The following DAAM1 variants were observed in gnomAD, a reference collection of about 807,000 sequenced individuals.
DAAM1 encodes the protein disheveled-associated activator of morphogenesis 1.
Under a neutral mutation model 130.0 loss-of-function variants are expected in DAAM1, and 52 were observed. The observed-to-expected ratio is 0.40, with a 90% CI of 0.32 to 0.50. The LOEUF (loss-of-function observed/expected upper bound fraction) is 0.50. Among genes scored for constraint, DAAM1 ranks in the 20% least tolerant of loss-of-function variants. The pLI is 0.61. For missense variants in DAAM1, 1,134 were observed against 1,303.8 expected (o/e 0.87, Z 2.01); for synonymous variants, 452 against 444.5 (o/e 1.02, Z -0.21).
chr14:59,323,317 G>A (rs546657481), intron 6 of DAAM1, 92 bp downstream of exon 6: 1 of 1,324,958 alleles, frequency 7.5e-7, no homozygotes, highest in Non-Finnish European at 1.0e-6. Context: ...AATGTTACTT[G>A]AGATGTCCTC....
intron 12 of DAAM1, among the ~76,000 whole-genome samples, chr14:59,329,855 C>G (rs910868609): frequency 6.6e-6 from 1 of 152,210 alleles, no homozygotes; most frequent in African/African-American, 2.4e-5. Context: ...CCCCACTCCC[C>G]TTAAGATATT....
chr14:59,357,806 G>A (rs779513966), intron 20 of DAAM1, among the ~76,000 whole-genome samples: 94 of 152,070 alleles, frequency 6.2e-4, no homozygotes, highest in Non-Finnish European at 9.1e-4. Flanking sequence ...TGAAATGGAA[G>A]GATGCAGCTG....
chr14:59,317,043 C>T (rs1004575553), intron 4 of DAAM1, among the ~76,000 whole-genome samples: 2 of 152,306 alleles, frequency 1.3e-5, no homozygotes, highest in Non-Finnish European at 2.9e-5. Context: ...GGCCTCCTCT[C>T]TCCTCCATCC....
intron 2 of DAAM1, among the ~76,000 whole-genome samples, chr14:59,269,590 TG>T (rs1431361591): frequency 6.6e-6 from 1 of 152,234 alleles, no homozygotes; most frequent in Non-Finnish European, 1.5e-5. Flanking sequence ...TGATTTCTAT[TG>T]GCTTGATTCC....
At chr14:59,325,800 T>C (rs112355006) in intron 9 of DAAM1, 70 bp downstream of exon 9, 45 of 1,581,846 alleles carry the variant, frequency 2.8e-5, no homozygotes, top group African/African-American at 2.7e-4. Flanking sequence ...ATGTGTGTTG[T>C]AGAGTCCACA....
chr14:59,326,268 A>G (rs1346482875), intron 10 of DAAM1, among the ~76,000 whole-genome samples, 191 bp downstream of exon 10: 1 of 152,248 alleles, frequency 6.6e-6, no homozygotes, highest in Non-Finnish European at 1.5e-5. Flanking sequence ...GAAACAAATT[A>G]AAATTTTGAT....
chr14:59,203,221 C>T (rs1166892958), intron 1 of DAAM1, among the ~76,000 whole-genome samples: 1 of 143,104 alleles, frequency 7.0e-6, no homozygotes, highest in Non-Finnish European at 1.5e-5. Flanking sequence ...TATTAGCCAG[C>T]ATGGTCTCGA....
Position 59,360,803 on chromosome 14 carries a change from A to G in DAAM1, c.2635A>G (p.Met879Val). 3 of 1,613,670 alleles carry G rather than the reference A, an allele frequency of 1.9e-6. No homozygotes were observed. Among genetic ancestry groups the G allele is most frequent in the Non-Finnish European group, 2.5e-6 (3 of 1,179,794 alleles). ...RDIPQAAKVN[M>V]TELDKEISTL... ...CTAAAACATTGCTATTTACAACAGC[A>G]TGACTGAGCTGGACAAAGAAATAAG... The change falls in exon 22 of 25, where the codon ATG becomes GTG. Residue 879 changes from methionine to valine, a missense_variant and splice_region_variant. Met to Val is a conservative substitution (Grantham distance 21). Transcript: ENST00000360909.
At chr14:59,365,532 AG>A (rs1375990497) in intron 23 of DAAM1, among the ~76,000 whole-genome samples, 2 of 152,220 alleles carry the variant, frequency 1.3e-5, no homozygotes, top group African/African-American at 4.8e-5. Context: ...AATGGTAAAA[AG>A]GACACTTTTG....
chr14:59,209,723 T>C (rs1368543933), intron 1 of DAAM1, among the ~76,000 whole-genome samples: 1 of 152,222 alleles, frequency 6.6e-6, no homozygotes, highest in Admixed American at 6.5e-5. Flanking sequence ...GTATTAAATG[T>C]ATTTTCAACT....
intron 1 of DAAM1, among the ~76,000 whole-genome samples, chr14:59,258,036 GC>G (rs1881989952): frequency 6.6e-6 from 1 of 152,088 alleles, no homozygotes; most frequent in Non-Finnish European, 1.5e-5. Flanking sequence ...TATAACATGA[GC>G]CAACTTCAGG....
At chr14:59,262,653 AGTGTGTGTGTGTGTGTGT>A (rs5809025) in intron 1 of DAAM1, among the ~76,000 whole-genome samples, 205 of 140,858 alleles carry the variant, frequency 1.5e-3, no homozygotes, top group Middle Eastern at 0.011. Flanking sequence ...ATATTCTATT[AGTGTGTGTGTGTGTGTGT>A]GTGTGTGTGT....
chr14:59,268,676 C>T (rs941973692), intron 2 of DAAM1, among the ~76,000 whole-genome samples: 3 of 152,180 alleles, frequency 2.0e-5, no homozygotes, highest in African/African-American at 7.2e-5. Context: ...ACAAATAAAA[C>T]CTAAGTTAAG....
chr14:59,342,405 T>A (rs1885885862), intron 16 of DAAM1, among the ~76,000 whole-genome samples: 1 of 152,198 alleles, frequency 6.6e-6, no homozygotes, highest in Non-Finnish European at 1.5e-5. Context: ...TTAAATGTGG[T>A]ACAAGTGAAA....
chr14:59,294,036 G>A (rs886804016), intron 3 of DAAM1, among the ~76,000 whole-genome samples: 1 of 152,300 alleles, frequency 6.6e-6, no homozygotes, highest in Admixed American at 6.5e-5. Context: ...TACACTCCCA[G>A]GGCTCTGTCA....
At chr14:59,279,242 A>G (rs1198108958) in intron 2 of DAAM1, among the ~76,000 whole-genome samples, 2 of 152,132 alleles carry the variant, frequency 1.3e-5, no homozygotes, top group African/African-American at 4.8e-5. Context: ...CCAGACAATC[A>G]TCCGCTTTCT....
At chr14:59,210,523 C>T (rs1268325098) in intron 1 of DAAM1, among the ~76,000 whole-genome samples, 2 of 152,170 alleles carry the variant, frequency 1.3e-5, no homozygotes, top group Non-Finnish European at 2.9e-5. Context: ...TGGAAGGAAA[C>T]TTACGATATC....
chr14:59,290,805 C>T (rs1883709929), intron 2 of DAAM1, among the ~76,000 whole-genome samples: 2 of 152,128 alleles, frequency 1.3e-5, no homozygotes, highest in Non-Finnish European at 2.9e-5. Context: ...TCTTCAGGGC[C>T]CAGCCTGTTA....
At chr14:59,291,670 C>A (rs1883745548) in intron 3 of DAAM1, among the ~76,000 whole-genome samples, 1 of 152,198 alleles carries the variant, frequency 6.6e-6, no homozygotes, top group Non-Finnish European at 1.5e-5. Flanking sequence ...CTTCTGACAA[C>A]TTTCCATTTC....
Sources: gnomAD v4.1 joint callset for allele counts (sites outside exome capture counted in the v4.1 genomes callset) on GRCh38, gnomAD v4.1.1 for gene constraint, MANE v1.5 for transcripts, NCBI Gene and HGNC (gene_info 2026-07-23, HGNC 2026-07-21) for gene names.